C9orf85: variants seen among roughly 807,000 people sequenced by gnomAD.
C9orf85 encodes the protein chromosome 9 open reading frame 85, also known as uncharacterized protein C9orf85.
A neutral mutation model predicts 14.9 loss-of-function variants in C9orf85; 16 were observed. The ratio of observed to expected loss-of-function variants is 1.08; its 90% CI spans 0.73 to 1.63. The LOEUF (loss-of-function observed/expected upper bound fraction) is 1.63. Ranked by LOEUF, C9orf85 falls within the 40% of genes most tolerant of loss-of-function variation. The pLI is 0.00. For missense variants in C9orf85, 172 were observed against 186.1 expected, an observed-to-expected ratio of 0.92 and a Z score of 0.44; for synonymous variants, 45 against 56.8, an observed-to-expected ratio of 0.79 and a Z score of 0.93.
intron 2 of C9orf85, among the ~76,000 whole-genome samples, chr9:71,965,686 G>C (rs1050261843): frequency 5.9e-5 from 9 of 152,224 alleles, no homozygotes; most frequent in Middle Eastern, 3.4e-3. Context: ...TCCTGCCTGG[G>C]CCTCCCAAGG....
intron 1 of C9orf85, among the ~76,000 whole-genome samples, chr9:71,936,543 AT>A (rs1330554191): frequency 1.3e-5 from 2 of 152,056 alleles, no homozygotes; most frequent in African/African-American, 4.8e-5. Context: ...TGCTTCCCAT[AT>A]TACTGCTGCA....
chr9:71,925,311 A>G (rs1331193671), intron 1 of C9orf85, among the ~76,000 whole-genome samples: 3 of 152,240 alleles, frequency 2.0e-5, no homozygotes, highest in African/African-American at 7.2e-5. Flanking sequence ...ACTTGAGGTC[A>G]GAAGTTCAAG....
intron 2 of C9orf85, among the ~76,000 whole-genome samples, chr9:71,957,126 T>C (rs1247554160): frequency 6.6e-6 from 1 of 152,172 alleles, no homozygotes; most frequent in Non-Finnish European, 1.5e-5. Flanking sequence ...ACTGACTTTC[T>C]ATAGTTTTAT....
intron 2 of C9orf85, among the ~76,000 whole-genome samples, chr9:71,950,668 C>G (rs1822221964): frequency 6.6e-6 from 1 of 152,146 alleles, no homozygotes; most frequent in South Asian, 2.1e-4. Context: ...CCACACCCAG[C>G]CTTGGATATA....
intron 1 of C9orf85, among the ~76,000 whole-genome samples, chr9:71,918,934 C>T (rs1463390348): frequency 2.0e-5 from 3 of 151,374 alleles, no homozygotes; most frequent in Non-Finnish European, 4.4e-5. Flanking sequence ...CCCACCCCCA[C>T]CCTAGTCCAT....
intron 2 of C9orf85, among the ~76,000 whole-genome samples, chr9:71,950,524 A>C (rs567994330): frequency 6.6e-6 from 1 of 152,084 alleles, no homozygotes; most frequent in East Asian, 1.9e-4. Context: ...CACACATGCC[A>C]CTGTGCCCGG....
chr9:71,977,558 T>C (rs1444165854), downstream of C9orf85, among the ~76,000 whole-genome samples: 1 of 152,250 alleles, frequency 6.6e-6, no homozygotes, highest in Non-Finnish European at 1.5e-5. Flanking sequence ...AAATTAAAAC[T>C]GATAGATGTC....
chr9:71,963,756 G>C (rs1432761238), intron 2 of C9orf85, among the ~76,000 whole-genome samples: 1 of 152,170 alleles, frequency 6.6e-6, no homozygotes. Context: ...ATTTCTCCCC[G>C]GGCCTTAGCT....
chr9:71,955,172 G>A (rs1261282466), intron 2 of C9orf85, among the ~76,000 whole-genome samples: 2 of 152,060 alleles, frequency 1.3e-5, no homozygotes, highest in Non-Finnish European at 1.5e-5. Context: ...CTTGCACTCA[G>A]TCCTTGGCAT....
At chr9:71,934,892 A>T (rs367856878) in intron 1 of C9orf85, among the ~76,000 whole-genome samples, 9 of 152,168 alleles carry the variant, frequency 5.9e-5, no homozygotes, top group African/African-American at 2.2e-4. Context: ...ATATATGCAG[A>T]ATATATAATA....
At chr9:71,926,303 A>G (rs1169275962) in intron 1 of C9orf85, among the ~76,000 whole-genome samples, 2 of 152,284 alleles carry the variant, frequency 1.3e-5, no homozygotes, top group Middle Eastern at 3.4e-3. Flanking sequence ...ACATGTCCCT[A>G]TCGAGCACTT....
At chr9:71,985,555 A>G (rs1823196516), downstream of C9orf85, 1 of 152,250 alleles carries the variant, frequency 6.6e-6, no homozygotes, top group Non-Finnish European at 1.5e-5. Flanking sequence ...ATTATTTGAC[A>G]AAAGTTTGCA....
intron 1 of C9orf85, among the ~76,000 whole-genome samples, chr9:71,915,931 C>T (rs766187515): frequency 2.6e-5 from 4 of 152,098 alleles, no homozygotes; most frequent in East Asian, 1.9e-4. Flanking sequence ...CCAAAAAGGC[C>T]GCAGTGAAAT....
At chr9:71,942,394 T>G (rs1421192999) in intron 1 of C9orf85, among the ~76,000 whole-genome samples, 1 of 152,172 alleles carries the variant, frequency 6.6e-6, no homozygotes, top group Non-Finnish European at 1.5e-5. Context: ...TTTTACTGGG[T>G]GCTAGAAAGC....
chr9:71,931,893 A>T (rs899620642), intron 1 of C9orf85, among the ~76,000 whole-genome samples: 2 of 152,164 alleles, frequency 1.3e-5, no homozygotes, highest in East Asian at 3.9e-4. Flanking sequence ...TAGGGAACAC[A>T]TTTCTCTAGA....
At chr9:71,968,738 G>A (rs920809881) in intron 2 of C9orf85, among the ~76,000 whole-genome samples, 19 of 152,120 alleles carry the variant, frequency 1.2e-4, no homozygotes, top group East Asian at 7.7e-4. Context: ...TGTGTCTCGC[G>A]GATGGAGCAA....
chr9:71,926,161 G>A lies in C9orf85; in HGVS notation c.102+14325G>A, dbSNP rs558777366. ...ATCTGAATTCACTTCCAAAGCAATA[G>A]TGATTCCCAATTCTGCTTTAGTAAT... is the stretch of plus-strand genomic sequence containing the variant. On this transcript the variant is annotated intron_variant, in intron 1 of 3. Coordinates refer to ENST00000334731, the MANE Select transcript of C9orf85 (RefSeq NM_182505.5). Among the ~76,000 whole-genome samples, 22 of 152,326 alleles carry A rather than the reference G, an allele frequency of 1.4e-4. No homozygotes were observed. In the South Asian group the frequency reaches 1.4e-3, roughly 10 times the overall value.
At chr9:71,948,237 G>A (rs1454579550) in intron 2 of C9orf85, among the ~76,000 whole-genome samples, 1 of 151,622 alleles carries the variant, frequency 6.6e-6, no homozygotes. Flanking sequence ...TTCCTTTATG[G>A]GAAAAAATTT....
chr9:71,913,953 G>A (rs1424959308), intron 1 of C9orf85, among the ~76,000 whole-genome samples: 1 of 152,052 alleles, frequency 6.6e-6, no homozygotes, highest in East Asian at 1.9e-4. Flanking sequence ...AGGACCACCA[G>A]GCCACTTCAT....
Sources: allele counts gnomAD v4.1 joint callset (sites outside exome capture counted in the v4.1 genomes callset), GRCh38; gene constraint gnomAD v4.1.1; transcripts MANE v1.5; gene names NCBI Gene and HGNC (gene_info 2026-07-23, HGNC 2026-07-21).